Variants in DISC1 observed in about 807,000 individuals in gnomAD.
The protein encoded by DISC1 is DISC1 scaffold protein.
Under a neutral mutation model 84.5 loss-of-function variants are expected in DISC1, and 57 were observed. The ratio of observed to expected loss-of-function variants is 0.67; its 90% CI spans 0.55 to 0.84. The LOEUF (loss-of-function observed/expected upper bound fraction) is 0.84. Ranked by LOEUF, DISC1 falls within the 40% of genes least tolerant of loss-of-function variation. The pLI is 0.00. For missense variants in DISC1, 1,000 were observed against 1,057.8 expected (o/e 0.95, Z 0.76); for synonymous variants, 411 against 415.2 (o/e 0.99, Z 0.12).
chr1:231,778,179 G>GCTTTGTTTGGT (rs1383977063), intron 6 of DISC1, among the ~76,000 whole-genome samples: 1 of 152,188 alleles, frequency 6.6e-6, no homozygotes, highest in East Asian at 1.9e-4. Flanking sequence ...GACCAAACAG[G>GCTTTGTTTGGT]CAACTGTCTC....
intron 3 of DISC1, among the ~76,000 whole-genome samples, chr1:231,707,135 G>A (rs377571961): frequency 5.9e-5 from 9 of 152,304 alleles, no homozygotes; most frequent in African/African-American, 1.7e-4. Flanking sequence ...CAGAATCAAT[G>A]GGATGTGGAT....
chr1:231,705,841 T>A (rs1473134116), intron 3 of DISC1, among the ~76,000 whole-genome samples: 1 of 152,226 alleles, frequency 6.6e-6, no homozygotes, highest in African/African-American at 2.4e-5. Flanking sequence ...GCAGCCCTGT[T>A]CTGTCTCAGG....
In DISC1 at chr1:231,780,723, C is replaced by T. The variant is rs537400827; in HGVS notation, c.1634+9653C>T. 1.6e-3 allele frequency among the ~76,000 whole-genome samples: 148 copies of T among 90,464 alleles called. 2 individuals are homozygous for T. Among genetic ancestry groups the T allele is most frequent in the African/African-American group, 5.1e-3 (120 of 23,320 alleles). 59.3% of individuals were successfully genotyped at this position (90,464 alleles called of 152,430 possible). A position where few individuals can be genotyped will look rare whatever the true frequency, so the allele number is the denominator to read the frequency against. On this transcript the variant is annotated intron_variant, in intron 6 of 12. Coordinates refer to ENST00000439617, the MANE Select transcript of DISC1 (RefSeq NM_018662.3). ...GACACATGCACACGTATGTTTATTG[C>T]GGCATTATTCACAATAGCAAAGACT...
chr1:231,752,688 C>A (rs930713713), intron 4 of DISC1, among the ~76,000 whole-genome samples: 1 of 152,196 alleles, frequency 6.6e-6, no homozygotes, highest in African/African-American at 2.4e-5. Flanking sequence ...AGACTTAACT[C>A]ATTTCCAGCA....
At chr1:231,974,339 A>C in intron 10 of DISC1, among the ~76,000 whole-genome samples, 1 of 152,152 alleles carries the variant, frequency 6.6e-6, no homozygotes, top group Admixed American at 6.5e-5. Context: ...AAACCCAACA[A>C]CCTTTAAAAA....
chr1:231,695,333 C>A (rs2065519923), intron 2 of DISC1, among the ~76,000 whole-genome samples: 1 of 152,222 alleles, frequency 6.6e-6, no homozygotes, highest in Non-Finnish European at 1.5e-5. Context: ...TTAGAGATAA[C>A]ACCAACTCAT....
chr1:231,783,558 T>G (rs1184988603), intron 6 of DISC1, among the ~76,000 whole-genome samples: 1 of 152,192 alleles, frequency 6.6e-6, no homozygotes, highest in Non-Finnish European at 1.5e-5. Flanking sequence ...CTGGTTGAAT[T>G]AATACTTGGA....
intron 6 of DISC1, among the ~76,000 whole-genome samples, chr1:231,793,378 C>T (rs201144822): frequency 2.0e-4 from 30 of 152,342 alleles, no homozygotes; most frequent in Non-Finnish European, 4.0e-4. Flanking sequence ...AGGGCAGGAA[C>T]CATGTCTTCA....
chr1:231,867,573 C>T (rs199598009), intron 9 of DISC1, among the ~76,000 whole-genome samples: 2 of 152,112 alleles, frequency 1.3e-5, no homozygotes, highest in Non-Finnish European at 2.9e-5. Context: ...AGTAAACCCT[C>T]CTGAGTGTGC....
At chr1:231,985,551 G>A (rs1439379459) in intron 10 of DISC1, among the ~76,000 whole-genome samples, 1 of 152,172 alleles carries the variant, frequency 6.6e-6, no homozygotes, top group Non-Finnish European at 1.5e-5. Flanking sequence ...CAGAAAGTGT[G>A]TCATGACATA....
chr1:231,719,965 T>C (rs2069404682), intron 3 of DISC1, among the ~76,000 whole-genome samples: 1 of 152,232 alleles, frequency 6.6e-6, no homozygotes, highest in Non-Finnish European at 1.5e-5. Context: ...AGTTTTCCAC[T>C]TGACCTTTAT....
intron 9 of DISC1, among the ~76,000 whole-genome samples, chr1:231,903,059 C>T (rs1226720671): frequency 1.4e-5 from 2 of 146,358 alleles, no homozygotes; most frequent in Admixed American, 7.0e-5. Flanking sequence ...TCCACCTTTT[C>T]TCTCTCTCAT....
chr1:231,719,891 T>C (rs910354397), intron 3 of DISC1, among the ~76,000 whole-genome samples: 7 of 152,200 alleles, frequency 4.6e-5, no homozygotes, highest in Admixed American at 3.3e-4. Flanking sequence ...TTATTTTCCG[T>C]CACAGCCATG....
At chr1:231,631,348 T>C (rs2125087985) in intron 1 of DISC1, among the ~76,000 whole-genome samples, 1 of 152,316 alleles carries the variant, frequency 6.6e-6, no homozygotes. Context: ...TGCCTAGTAT[T>C]TACTATACAT....
chr1:231,940,803 A>C (rs1050907000), intron 9 of DISC1: 1 of 152,234 alleles, frequency 6.6e-6, no homozygotes, highest in African/African-American at 2.4e-5. Flanking sequence ...AAAGACTGAA[A>C]TTGAGACTCT....
intron 9 of DISC1, among the ~76,000 whole-genome samples, chr1:231,838,711 G>A (rs909522016): frequency 6.6e-6 from 1 of 152,230 alleles, no homozygotes; most frequent in Non-Finnish European, 1.5e-5. Context: ...GTAAGTTTGT[G>A]TAAGGCCCTT....
intron 9 of DISC1, among the ~76,000 whole-genome samples, chr1:231,875,919 G>A (rs201181609): frequency 2.0e-5 from 3 of 152,330 alleles, no homozygotes; most frequent in East Asian, 1.9e-4. Flanking sequence ...GCGAGGACAC[G>A]TTGGCTAATG....
intron 9 of DISC1, among the ~76,000 whole-genome samples, chr1:231,916,603 C>T (rs1024759455): frequency 1.4e-5 from 2 of 143,288 alleles, no homozygotes; most frequent in South Asian, 2.2e-4. Context: ...TGCAGTGAGC[C>T]GAGATCCCGC....
chr1:231,827,194 GC>G (rs1443486544), intron 9 of DISC1, among the ~76,000 whole-genome samples: 2 of 152,030 alleles, frequency 1.3e-5, no homozygotes, highest in African/African-American at 4.8e-5. Context: ...CACCATCCTG[GC>G]CAGGCTGGTC....
Sources: gnomAD v4.1 joint callset for allele counts (sites outside exome capture counted in the v4.1 genomes callset) on GRCh38, gnomAD v4.1.1 for gene constraint, MANE v1.5 for transcripts, NCBI Gene and HGNC (gene_info 2026-07-23, HGNC 2026-07-21) for gene names.